SMYD3: variants seen among roughly 807,000 people sequenced by gnomAD.
The protein encoded by SMYD3 is SET and MYND domain containing 3, also known as histone-lysine N-methyltransferase SMYD3.
A neutral mutation model predicts 57.7 loss-of-function variants in SMYD3; 36 were observed. The ratio of observed to expected loss-of-function variants is 0.62; its 90% confidence interval spans 0.48 to 0.82. The LOEUF (loss-of-function observed/expected upper bound fraction) is 0.82. SMYD3 is among the 40% of genes least tolerant of loss of function. The probability of loss-of-function intolerance (pLI) is 0.00; values close to 1 mark genes in which losing one functional copy is unlikely to be tolerated. For synonymous variants in SMYD3, 211 were observed against 195.0 expected (o/e 1.08, Z -0.68); for missense variants, 515 against 538.8 (o/e 0.96, Z 0.44).
intron 5 of SMYD3, among the ~76,000 whole-genome samples, chr1:246,022,056 C>T (rs1308844760): frequency 4.6e-5 from 7 of 152,210 alleles, no homozygotes; most frequent in Admixed American, 4.6e-4. Flanking sequence ...CTGCTGAACA[C>T]AGCCACAGAC....
At chr1:245,776,807 G>A (rs2046622060) in intron 10 of SMYD3, among the ~76,000 whole-genome samples, 1 of 152,200 alleles carries the variant, frequency 6.6e-6, no homozygotes, top group Non-Finnish European at 1.5e-5. Flanking sequence ...AAAGTGAGGC[G>A]ATAGCAGAGG....
chr1:245,857,210 C>T (rs2051290108), intron 10 of SMYD3, among the ~76,000 whole-genome samples: 1 of 152,226 alleles, frequency 6.6e-6, no homozygotes, highest in Non-Finnish European at 1.5e-5. Context: ...TGCTCAGGGT[C>T]AGGCTGGTGG....
intron 10 of SMYD3, among the ~76,000 whole-genome samples, chr1:245,814,177 A>C (rs2048656874): frequency 6.6e-6 from 1 of 152,126 alleles, no homozygotes; most frequent in Admixed American, 6.5e-5. Flanking sequence ...TGACTATTAA[A>C]TTAATTACTG....
intron 5 of SMYD3, among the ~76,000 whole-genome samples, chr1:245,996,372 G>A (rs2058931909): frequency 6.6e-6 from 1 of 152,192 alleles, no homozygotes; most frequent in Admixed American, 6.5e-5. Context: ...GGGATTAGGG[G>A]TATAATGTGT....
chr1:246,507,237 C>T lies in SMYD3; in HGVS notation c.-20G>A. 6.7e-7 allele frequency: 1 copy of T among 1,494,298 alleles called. No individual in the cohort carries two copies. The highest frequency in any genetic ancestry group is 9.0e-7 in the Non-Finnish European group (1 of 1,117,046). The allele number at this position is 1,494,298 out of a possible 1,614,324, so 92.6% of individuals were successfully genotyped here. On this transcript the variant is annotated 5_prime_UTR_variant, in exon 1 of 12. Transcript: ENST00000490107. ...CTCCATCCTCCCGCAGCTCCGGCAC[C>T]TCAGACGGCTACCCGCGTCCAGCAG...
At chr1:246,180,037 G>T (rs1030710511) in intron 5 of SMYD3, among the ~76,000 whole-genome samples, 11 of 151,938 alleles carry the variant, frequency 7.2e-5, no homozygotes, top group African/African-American at 2.4e-4. Flanking sequence ...ACCAGGTGTG[G>T]TGGCTCATGC....
intron 10 of SMYD3, among the ~76,000 whole-genome samples, chr1:245,811,062 G>C (rs1558370008): frequency 6.6e-6 from 1 of 152,170 alleles, no homozygotes; most frequent in East Asian, 1.9e-4. Flanking sequence ...TCTGAAAGGA[G>C]AGCTAGTCCC....
intron 5 of SMYD3, among the ~76,000 whole-genome samples, chr1:246,075,323 A>G (rs949963389): frequency 6.6e-6 from 1 of 152,226 alleles, no homozygotes; most frequent in Non-Finnish European, 1.5e-5. Context: ...GACGGCAGTG[A>G]TAAGAACTCA....
chr1:246,118,507 T>A (rs796308796), intron 5 of SMYD3, among the ~76,000 whole-genome samples: 25 of 152,320 alleles, frequency 1.6e-4, no homozygotes, highest in African/African-American at 6.0e-4. Flanking sequence ...TGCCTCAAGC[T>A]AGAACCATCA....
At chr1:245,856,676 G>A (rs1230150393) in intron 10 of SMYD3, among the ~76,000 whole-genome samples, 1 of 152,180 alleles carries the variant, frequency 6.6e-6, no homozygotes, top group Non-Finnish European at 1.5e-5. Flanking sequence ...GTGTAGGTGT[G>A]TGGTCTTCTT....
chr1:246,420,092 G>A (rs1470511505), intron 1 of SMYD3, among the ~76,000 whole-genome samples: 3 of 152,066 alleles, frequency 2.0e-5, no homozygotes, highest in Admixed American at 6.6e-5. Context: ...CCAGCTACTC[G>A]GGAGGGTGAG....
chr1:246,131,410 A>G (rs1558255635), intron 5 of SMYD3, among the ~76,000 whole-genome samples: 2 of 152,200 alleles, frequency 1.3e-5, no homozygotes, highest in Non-Finnish European at 2.9e-5. Context: ...TGAAATGTTG[A>G]GTCAAAGACA....
intron 5 of SMYD3, among the ~76,000 whole-genome samples, chr1:246,054,612 G>A (rs1247122163): frequency 8.6e-5 from 13 of 151,992 alleles, no homozygotes; most frequent in Non-Finnish European, 1.6e-4. Flanking sequence ...TATGCTAAGC[G>A]AAAACAGTTG....
At chr1:246,254,572 T>C (rs1423322986) in intron 5 of SMYD3, among the ~76,000 whole-genome samples, 1 of 152,244 alleles carries the variant, frequency 6.6e-6, no homozygotes, top group African/African-American at 2.4e-5. Context: ...GGTAATGTGA[T>C]GCCTCTGGCT....
Position 246,143,458 on chromosome 1 carries a change from C to G in SMYD3, c.531+183743G>C, listed in dbSNP as rs535808665. ...GTGGGAGGCCAAGGCAGGTGGATAGCTTGTTCAAGACCAACCGGGGCAATG... is the reference window on the plus strand; with the variant it reads ...GTGGGAGGCCAAGGCAGGTGGATAGGTTGTTCAAGACCAACCGGGGCAATG... On this transcript the variant is annotated intron_variant, in intron 5 of 11. Coordinates refer to ENST00000490107, the MANE Select transcript of SMYD3 (RefSeq NM_001167740.2). Among the ~76,000 whole-genome samples the G allele has an allele frequency of 8.5e-5, 13 of 152,244 alleles. 1 individual carries two copies. In the South Asian group the frequency reaches 2.7e-3, roughly 32 times the overall value.
chr1:246,261,658 A>C (rs1447405165), intron 5 of SMYD3, among the ~76,000 whole-genome samples: 1 of 151,918 alleles, frequency 6.6e-6, no homozygotes, highest in Non-Finnish European at 1.5e-5. Flanking sequence ...ACAAAGAAAA[A>C]CACTGCTTTG....
intron 1 of SMYD3, among the ~76,000 whole-genome samples, chr1:246,390,573 TAA>T (rs1178425908): frequency 1.3e-5 from 2 of 152,172 alleles, no homozygotes; most frequent in Non-Finnish European, 2.9e-5. Flanking sequence ...ACCATAAATA[TAA>T]GTCACATATA....
intron 5 of SMYD3, among the ~76,000 whole-genome samples, chr1:245,941,890 T>G (rs2057258699): frequency 6.6e-6 from 1 of 152,106 alleles, no homozygotes; most frequent in Non-Finnish European, 1.5e-5. Flanking sequence ...GCTTTATAAG[T>G]GAAGGAGAAA....
chr1:245,920,154 A>C (rs2055783385), intron 7 of SMYD3, among the ~76,000 whole-genome samples: 6 of 152,088 alleles, frequency 3.9e-5, no homozygotes. Flanking sequence ...TCTACTAAAA[A>C]TACAAAAAAT....
Sources: allele counts gnomAD v4.1 joint callset (sites outside exome capture counted in the v4.1 genomes callset), GRCh38; gene constraint gnomAD v4.1.1; transcripts MANE v1.5; gene names NCBI Gene and HGNC (gene_info 2026-07-23, HGNC 2026-07-21).